TEX2: variants seen among roughly 807,000 people sequenced by gnomAD.
TEX2 encodes the protein testis-expressed protein 2.
TEX2 carries 53 observed loss-of-function variants against 106.9 expected under a neutral mutation model. That is an observed-to-expected ratio of 0.50 (90% CI 0.40 to 0.62). The LOEUF is 0.62. TEX2 is among the 20% of genes least tolerant of loss of function. The pLI is 0.00. For missense variants in TEX2, 1,207 were observed against 1,379.0 expected, an observed-to-expected ratio of 0.88 and a Z score of 1.98; for synonymous variants, 523 against 534.8, an observed-to-expected ratio of 0.98 and a Z score of 0.30.
intron 1 of TEX2, among the ~76,000 whole-genome samples, chr17:64,222,513 A>G (rs139934861): frequency 0.016 from 1,757 of 108,428 alleles, 34 homozygotes; most frequent in African/African-American, 0.059. Flanking sequence ...CGAGATTCCA[A>G]CTCACAAAAA....
rs1237117200 is a variant in TEX2 at position 64,217,443 on chromosome 17, C to T, written c.-25-3201G>A. ...CTTCCTGACACTGAGGCCCGATGCC[C>T]GGCAGGGTGCCTTTTCAAACATGCC... On this transcript the variant is annotated intron_variant, in intron 1 of 11. Coordinates refer to ENST00000584379, the MANE Select transcript of TEX2 (RefSeq NM_001288732.2). This position sits in a 1 kb window ranked among gnomAD's most constrained non-coding sequence, Gnocchi z 4.3. 1.3e-5 allele frequency among the ~76,000 whole-genome samples: 2 copies of T among 152,206 alleles called. No individual in the cohort carries two copies. Among genetic ancestry groups the T allele is most frequent in the African/African-American group, 2.4e-5 (1 of 41,442 alleles).
chr17:64,204,933 C>A (rs1188649310), intron 2 of TEX2, among the ~76,000 whole-genome samples: 1 of 152,094 alleles, frequency 6.6e-6, no homozygotes, highest in Admixed American at 6.6e-5. Context: ...GGGTGTCAGG[C>A]ACATGGGGGG....
chr17:64,260,470 C>CA (rs61020603), intron 1 of TEX2, among the ~76,000 whole-genome samples: 152,190 of 152,198 alleles, frequency 1, 76,091 homozygotes, highest in Middle Eastern at 1. Flanking sequence ...GTGCCTGGCC[C>CA]AAAAAGCACG....
At chr17:64,184,151 T>G (rs1162233499) in intron 5 of TEX2, among the ~76,000 whole-genome samples, 5 of 152,238 alleles carry the variant, frequency 3.3e-5, no homozygotes, top group Non-Finnish European at 5.9e-5. Context: ...CAGGTTGAAG[T>G]GCAGTGGTGC....
rs1429516458 is a variant in TEX2 at position 64,195,271 on chromosome 17, G to A, written c.1645-176C>T. ...AAGTGCTTAGCTGGGAGGATAACTG[G>A]AACTGAGGAGGTTTTTGATAACCAA... is the stretch of plus-strand genomic sequence containing the variant. On this transcript the variant is annotated intron_variant, in intron 2 of 11. Transcript: ENST00000584379. The surrounding 1 kb of genome is among the most constrained non-coding windows in gnomAD (Gnocchi z 4.1). 6.6e-6 allele frequency among the ~76,000 whole-genome samples: 1 copy of A among 152,142 alleles called. No individual in the cohort carries two copies. Among genetic ancestry groups the A allele is most frequent in the African/African-American group, 2.4e-5 (1 of 41,422 alleles).
chr17:64,253,318 CTTCTTTCT>C (rs200956910), intron 1 of TEX2, among the ~76,000 whole-genome samples: 3 of 97,026 alleles, frequency 3.1e-5, no homozygotes, highest in East Asian at 4.3e-4. Flanking sequence ...TTAATTTTTC[CTTCTTTCT>C]TTCTTTCTTT....
intron 5 of TEX2, among the ~76,000 whole-genome samples, chr17:64,180,832 T>C (rs1439706833): frequency 6.6e-6 from 1 of 152,200 alleles, no homozygotes; most frequent in Non-Finnish European, 1.5e-5. Context: ...TAGGACAGAT[T>C]TACTGAAGTC....
At chr17:64,240,380 C>T (rs1435761616) in intron 1 of TEX2, among the ~76,000 whole-genome samples, 2 of 152,126 alleles carry the variant, frequency 1.3e-5, no homozygotes, top group African/African-American at 4.8e-5. Flanking sequence ...CTGGCTCAGA[C>T]ACTGGGCAAG....
At chr17:64,246,628 A>G (rs1295077119) in intron 1 of TEX2, among the ~76,000 whole-genome samples, 1 of 152,224 alleles carries the variant, frequency 6.6e-6, no homozygotes, top group Non-Finnish European at 1.5e-5. Context: ...AAAAAAAGGT[A>G]TATAAAACAA....
chr17:64,160,714 A>G (rs1194331823), intron 8 of TEX2, 87 bp downstream of exon 8: 1 of 1,514,244 alleles, frequency 6.6e-7, no homozygotes, highest in Non-Finnish European at 9.0e-7. Context: ...TCCAGGGGCC[A>G]CTACACATCA....
At position 64,205,427 on chromosome 17, in the gene TEX2, G is replaced by A. The variant is rs1286135881; in HGVS notation, c.1644+7147C>T. On this transcript the variant is annotated intron_variant, in intron 2 of 11. Coordinates refer to ENST00000584379, the MANE Select transcript of TEX2 (RefSeq NM_001288732.2). The surrounding 1 kb of genome is among the most constrained non-coding windows in gnomAD (Gnocchi z 4.0). ...TAAAAACTCAGGTAACCCATTATAG[G>A]GGCAGGATATTTTCAGTAAAGTATA... Among the ~76,000 whole-genome samples the A allele has an allele frequency of 6.6e-6, 1 of 152,112 alleles. No individual in the cohort carries two copies. Among genetic ancestry groups the A allele is most frequent in the Non-Finnish European group, 1.5e-5 (1 of 68,030 alleles).
At chr17:64,202,038 C>A (rs1360905982) in intron 2 of TEX2, among the ~76,000 whole-genome samples, 1 of 152,168 alleles carries the variant, frequency 6.6e-6, no homozygotes, top group African/African-American at 2.4e-5. Flanking sequence ...GTGCAAGGAG[C>A]TGTAGAGGTT....
intron 9 of TEX2, 70 bp downstream of exon 9, chr17:64,154,772 C>T: frequency 6.3e-6 from 9 of 1,438,106 alleles, no homozygotes; most frequent in South Asian, 1.5e-5. Context: ...GGAAGGGAAA[C>T]AAGGTTCACT....
intron 6 of TEX2, among the ~76,000 whole-genome samples, chr17:64,175,653 CA>C (rs1450841308): frequency 3.3e-5 from 5 of 152,092 alleles, no homozygotes; most frequent in African/African-American, 1.2e-4. Context: ...GTGGTGCGAT[CA>C]TAGCTCAGAA....
At chr17:64,159,383 ATGAGCT>A (rs2030781222) in intron 8 of TEX2, among the ~76,000 whole-genome samples, 1 of 152,180 alleles carries the variant, frequency 6.6e-6, no homozygotes, top group Non-Finnish European at 1.5e-5. Flanking sequence ...CTCTGTCGTC[ATGAGCT>A]AGATTTAATG....
chr17:64,246,083 C>A (rs1357864924), intron 1 of TEX2, among the ~76,000 whole-genome samples: 1 of 152,162 alleles, frequency 6.6e-6, no homozygotes, highest in Non-Finnish European at 1.5e-5. Context: ...GGAAAGGAGA[C>A]CTTTCTCCAA....
chr17:64,239,679 G>T (rs1328726672), intron 1 of TEX2, among the ~76,000 whole-genome samples: 2 of 151,788 alleles, frequency 1.3e-5, no homozygotes, highest in Non-Finnish European at 1.5e-5. Flanking sequence ...AGTTCGAGAC[G>T]AGGCTGGCCA....
chr17:64,162,352 T>C (rs748964918), intron 7 of TEX2, among the ~76,000 whole-genome samples: 1 of 152,186 alleles, frequency 6.6e-6, no homozygotes, highest in Non-Finnish European at 1.5e-5. Context: ...TTAAACTCAA[T>C]GTAAAAGAAC....
At position 64,238,248 on chromosome 17, in the gene TEX2, G is replaced by A. The variant is rs533199956; in HGVS notation, c.-25-24006C>T. On this transcript the variant is annotated intron_variant, in intron 1 of 11. Transcript: ENST00000584379. ...CTGGAGGTGGAGGTTGCAGTGAGCCGAGATTGTGCCATTGCACTCCAGCCT... is the reference window on the plus strand; with the variant it reads ...CTGGAGGTGGAGGTTGCAGTGAGCCAAGATTGTGCCATTGCACTCCAGCCT... Among the ~76,000 whole-genome samples, 10 of 152,244 alleles carry A rather than the reference G, an allele frequency of 6.6e-5. No homozygotes were observed. The East Asian group carries it at 1.5e-3, about 24-fold the overall frequency.
Sources: allele counts gnomAD v4.1 joint callset (sites outside exome capture counted in the v4.1 genomes callset), GRCh38; gene constraint gnomAD v4.1.1; non-coding constraint Gnocchi (gnomAD v3.1); transcripts MANE v1.5; gene names NCBI Gene and HGNC (gene_info 2026-07-23, HGNC 2026-07-21).